PPHLN1: variants seen among roughly 807,000 people sequenced by gnomAD.
PPHLN1 encodes periphilin 1.
PPHLN1 carries 29 observed loss-of-function variants against 51.3 expected under a neutral mutation model. The observed-to-expected ratio is 0.57, with a 90% confidence interval of 0.42 to 0.77. The LOEUF is 0.77. Ranked by LOEUF, PPHLN1 falls within the 30% of genes least tolerant of loss-of-function variation. PPHLN1 has a pLI of 0.00. For missense variants in PPHLN1, 436 were observed against 438.4 expected (o/e 0.99, Z 0.05); for synonymous variants, 147 against 147.8 (o/e 0.99, Z 0.04).
chr12:42,339,113 T>G (rs1054709438), intron 2 of PPHLN1, among the ~76,000 whole-genome samples: 1 of 152,244 alleles, frequency 6.6e-6, no homozygotes, highest in African/African-American at 2.4e-5. Flanking sequence ...CTAGATGTAT[T>G]CAGCTGTCTC....
At chr12:42,379,943 C>T (rs980036067) in intron 5 of PPHLN1, among the ~76,000 whole-genome samples, 1 of 152,018 alleles carries the variant, frequency 6.6e-6, no homozygotes, top group African/African-American at 2.4e-5. Context: ...TTAACCTGAA[C>T]CTTTTATCAG....
intron 5 of PPHLN1, among the ~76,000 whole-genome samples, chr12:42,376,965 A>G (rs1374854859): frequency 6.6e-6 from 1 of 152,180 alleles, no homozygotes; most frequent in Non-Finnish European, 1.5e-5. Flanking sequence ...ACCACATAAA[A>G]AAAACCTTAA....
At chr12:42,418,907 A>G (rs891430380) in intron 9 of PPHLN1, among the ~76,000 whole-genome samples, 11 of 152,154 alleles carry the variant, frequency 7.2e-5, no homozygotes, top group African/African-American at 2.7e-4. Context: ...TGTTGAATGA[A>G]TTAATGCTTT....
chr12:42,407,057 G>A (rs1487152289), intron 9 of PPHLN1, among the ~76,000 whole-genome samples: 2 of 152,132 alleles, frequency 1.3e-5, no homozygotes, highest in Admixed American at 1.3e-4. Flanking sequence ...TTGGTCTGTT[G>A]ATCCTGCAAC....
At chr12:42,333,112 CTT>C (rs1346631185) in intron 1 of PPHLN1, among the ~76,000 whole-genome samples, 1 of 152,126 alleles carries the variant, frequency 6.6e-6, no homozygotes. Flanking sequence ...CATACCTGGT[CTT>C]TTTACTGTGC....
chr12:42,366,074 G>A (rs1172866444), intron 4 of PPHLN1, among the ~76,000 whole-genome samples: 1 of 151,962 alleles, frequency 6.6e-6, no homozygotes, highest in Non-Finnish European at 1.5e-5. Context: ...AATATGTCCA[G>A]ACTTTAATAT....
At chr12:42,403,446 C>G (rs756381174) in intron 9 of PPHLN1, among the ~76,000 whole-genome samples, 1 of 152,198 alleles carries the variant, frequency 6.6e-6, no homozygotes, top group African/African-American at 2.4e-5. Context: ...CATGCTGTTA[C>G]TGCAGAAGCT....
At chr12:42,375,412 A>C in intron 5 of PPHLN1, 1 of 173,616 alleles carries the variant, frequency 5.8e-6, no homozygotes, top group Non-Finnish European at 1.2e-5. Flanking sequence ...CCCGGATTCA[A>C]GTGATTCTCC....
chr12:42,395,850 C>G (rs771269143), intron 8 of PPHLN1, among the ~76,000 whole-genome samples: 3 of 152,118 alleles, frequency 2.0e-5, no homozygotes, highest in African/African-American at 4.8e-5. Context: ...AAGTTTCCAC[C>G]TTGTCTTCAC....
At position 42,369,398 on chromosome 12, in the gene PPHLN1, C is replaced by G. The variant is rs547956563; in HGVS notation, c.300-5465C>G. The stretch of plus-strand genomic sequence containing the variant: ...TGCAAGATTCCATAGTTTTGCTTTC[C>G]TGAATGACATACAACTATCAGGCAC... On this transcript the variant is annotated intron_variant, in intron 4 of 9. Transcript: ENST00000358314. 2.0e-5 allele frequency among the ~76,000 whole-genome samples: 3 copies of G among 152,212 alleles called. No individual in the cohort carries two copies. In the East Asian group the frequency reaches 5.8e-4, roughly 29 times the overall value.
chr12:42,355,348 C>T (rs2073912798), intron 4 of PPHLN1, 126 bp downstream of exon 4: 1 of 777,524 alleles, frequency 1.3e-6, no homozygotes, highest in South Asian at 1.6e-5. Context: ...TTGAAAGCAA[C>T]AAGCATTATA....
At chr12:42,442,707 C>A (rs1216381373), downstream of PPHLN1, 15 of 1,613,996 alleles carry the variant, frequency 9.3e-6, no homozygotes, top group Non-Finnish European at 1.2e-5. Context: ...CACGACGGAA[C>A]CCCCGAAAAC....
At chr12:42,383,677 G>A (rs1387191734) in intron 5 of PPHLN1, among the ~76,000 whole-genome samples, 1 of 152,088 alleles carries the variant, frequency 6.6e-6, no homozygotes, top group African/African-American at 2.4e-5. Flanking sequence ...CTGAGCAATT[G>A]CTGTAGGTGA....
chr12:42,352,863 T>C (rs1161183702), intron 3 of PPHLN1, among the ~76,000 whole-genome samples: 8 of 151,776 alleles, frequency 5.3e-5, no homozygotes, highest in African/African-American at 1.9e-4. Context: ...CTTAGGTAGG[T>C]GGATCACCTG....
chr12:42,446,243 A>C, downstream of PPHLN1: 1 of 1,611,656 alleles, frequency 6.2e-7, no homozygotes, highest in South Asian at 1.1e-5. Flanking sequence ...CACTCCAGAA[A>C]ATTTGTTCCT....
At chr12:42,339,582 TCTCAGAATAA>T (rs781263758) in intron 2 of PPHLN1, among the ~76,000 whole-genome samples, 10 of 152,204 alleles carry the variant, frequency 6.6e-5, no homozygotes, top group Non-Finnish European at 1.2e-4. Context: ...ATGGATCCCT[TCTCAGAATAA>T]CATTTTTAAA....
chr12:42,448,532 A>G (rs563163920), downstream of PPHLN1: 17 of 152,350 alleles, frequency 1.1e-4, no homozygotes, highest in African/African-American at 4.1e-4. Flanking sequence ...GTCTTGCCAT[A>G]TAAAGCCTTG....
At chr12:42,343,219 A>G (rs552331146) in intron 2 of PPHLN1, among the ~76,000 whole-genome samples, 4 of 137,196 alleles carry the variant, frequency 2.9e-5, no homozygotes, top group African/African-American at 9.7e-5. Flanking sequence ...TTCTTATTTC[A>G]TGAAACACTT....
chr12:42,355,867 C>T (rs2073996970), intron 4 of PPHLN1, among the ~76,000 whole-genome samples: 1 of 151,692 alleles, frequency 6.6e-6, no homozygotes, highest in South Asian at 2.1e-4. Flanking sequence ...GATAGGTTTG[C>T]TTAATTAGAA....
Sources: allele counts gnomAD v4.1 joint callset (sites outside exome capture counted in the v4.1 genomes callset), GRCh38; gene constraint gnomAD v4.1.1; transcripts MANE v1.5; gene names NCBI Gene and HGNC (gene_info 2026-07-23, HGNC 2026-07-21).